The following BLNK variants were observed in gnomAD, a reference collection of about 807,000 sequenced individuals.
BLNK encodes B-cell linker protein.
Under a neutral mutation model 73.5 loss-of-function variants are expected in BLNK, and 29 were observed. The observed-to-expected ratio is 0.39, with a 90% CI of 0.29 to 0.54. BLNK has a LOEUF of 0.54. BLNK is among the 20% of genes least tolerant of loss of function. BLNK has a pLI of 0.61. For missense variants in BLNK, 460 were observed against 562.8 expected, an observed-to-expected ratio of 0.82 and a Z score of 1.85; for synonymous variants, 176 against 200.8, an observed-to-expected ratio of 0.88 and a Z score of 1.04.
intron 15 of BLNK, 27 bp from the exon 16 acceptor site, chr10:96,197,090 A>G (rs1554894885): frequency 1.9e-6 from 3 of 1,580,768 alleles, no homozygotes; most frequent in Non-Finnish European, 2.6e-6. Flanking sequence ...AAAAAACATA[A>G]TTATGGTTAG....
chr10:96,231,805 G>T (rs1574394), intron 3 of BLNK, among the ~76,000 whole-genome samples: 23,076 of 151,532 alleles, frequency 0.15, 2,054 homozygotes, highest in African/African-American at 0.25. Context: ...ACATGCCCAA[G>T]GTCAGATAGT....
At chr10:96,239,023 T>C (rs1422832406) in intron 3 of BLNK, 2 of 397,776 alleles carry the variant, frequency 5.0e-6, no homozygotes, top group Non-Finnish European at 8.9e-6. Context: ...CCAGATGAGG[T>C]TGATGCTATC....
At chr10:96,258,157 A>G (rs1314822173) in intron 1 of BLNK, among the ~76,000 whole-genome samples, 3 of 152,274 alleles carry the variant, frequency 2.0e-5, no homozygotes, top group East Asian at 1.9e-4. Context: ...CAGGAATTAT[A>G]TTTAGATTTG....
intron 16 of BLNK, among the ~76,000 whole-genome samples, chr10:96,196,346 G>C (rs2083464768): frequency 6.6e-6 from 1 of 152,178 alleles, no homozygotes; most frequent in Non-Finnish European, 1.5e-5. Flanking sequence ...CTGAGATATG[G>C]TAAGCACTGA....
At chr10:96,266,362 G>C (rs182357362) in intron 1 of BLNK, among the ~76,000 whole-genome samples, 11 of 152,320 alleles carry the variant, frequency 7.2e-5, no homozygotes, top group Admixed American at 3.3e-4. Flanking sequence ...TGAAGAGGAA[G>C]GTGTTGTTCA....
chr10:96,226,021 A>G (rs1475621676), intron 5 of BLNK, among the ~76,000 whole-genome samples: 2 of 152,100 alleles, frequency 1.3e-5, no homozygotes, highest in East Asian at 3.9e-4. Flanking sequence ...TGCTGTGATG[A>G]TTGAAAAAGA....
At chr10:96,252,683 T>C (rs1021680631) in intron 1 of BLNK, among the ~76,000 whole-genome samples, 1 of 152,226 alleles carries the variant, frequency 6.6e-6, no homozygotes, top group Non-Finnish European at 1.5e-5. Context: ...TGTACTTTCT[T>C]CTTGAGCCAC....
intron 16 of BLNK, among the ~76,000 whole-genome samples, chr10:96,195,970 G>T (rs1554894582): frequency 1.3e-5 from 2 of 152,160 alleles, no homozygotes. Flanking sequence ...TCTGATTCTG[G>T]AAATACAGAG....
intron 1 of BLNK, among the ~76,000 whole-genome samples, chr10:96,253,104 C>A (rs1164794779): frequency 6.6e-6 from 1 of 152,136 alleles, no homozygotes; most frequent in African/African-American, 2.4e-5. Context: ...AATAGCCTTC[C>A]AATTTTTACT....
In BLNK at chr10:96,206,573, A is replaced by G. The variant is rs587640694; in HGVS notation, c.817+438T>C. On this transcript the variant is annotated intron_variant, in intron 11 of 16. Transcript: ENST00000224337. ...CTCAAAAAAAAAAAAAAAAAGGAAGAAAAGCAATTGAAGATGTACTAAGAA... is the reference window on the plus strand; with the variant it reads ...CTCAAAAAAAAAAAAAAAAAGGAAGGAAAGCAATTGAAGATGTACTAAGAA... Among the ~76,000 whole-genome samples, 16 of 151,066 alleles carry G rather than the reference A, an allele frequency of 1.1e-4. No individual in the cohort carries two copies. The East Asian group carries it at 3.1e-3, about 29-fold the overall frequency.
At position 96,238,501 on chromosome 10, in the gene BLNK, G is replaced by A. The variant is rs1441724890; in HGVS notation, c.163+4234C>T. Among the ~76,000 whole-genome samples, 3 of 152,158 alleles carry A rather than the reference G, an allele frequency of 2.0e-5. No individual in the cohort carries two copies. In the East Asian group the frequency reaches 5.8e-4, roughly 29 times the overall value. ...GGCTCAGGAGGTCTGGTGGGCTCTG[G>A]CCTCCACACACTACAGTTTCCAAGA... On this transcript the variant is annotated intron_variant, in intron 3 of 16. Transcript: ENST00000224337.
At chr10:96,221,414 A>G (rs2084194429) in intron 6 of BLNK, among the ~76,000 whole-genome samples, 1 of 152,142 alleles carries the variant, frequency 6.6e-6, no homozygotes, top group Non-Finnish European at 1.5e-5. Flanking sequence ...TTCTTTTCCC[A>G]ACTAATGGTT....
intron 12 of BLNK, 95 bp from the exon 13 acceptor site, chr10:96,204,183 C>T (rs1043246199): frequency 2.2e-6 from 3 of 1,333,874 alleles, no homozygotes; most frequent in Non-Finnish European, 3.2e-6. Flanking sequence ...ACAGGCACAT[C>T]ACAAATAAAT....
At chr10:96,211,503 C>A (rs2083947800) in intron 8 of BLNK, among the ~76,000 whole-genome samples, 2 of 152,114 alleles carry the variant, frequency 1.3e-5, no homozygotes, top group South Asian at 4.1e-4. Flanking sequence ...AAGTTCCTTC[C>A]CATGTATGTC....
At chr10:96,203,778 T>C (rs1465335015) in intron 13 of BLNK, 1 of 191,908 alleles carries the variant, frequency 5.2e-6, no homozygotes, top group African/African-American at 4.1e-5. Context: ...CTGTATTGTT[T>C]TTGTAAAAAA....
intron 1 of BLNK, among the ~76,000 whole-genome samples, chr10:96,253,786 C>A (rs563662673): frequency 1.3e-5 from 2 of 151,948 alleles, no homozygotes; most frequent in South Asian, 4.2e-4. Context: ...GAGGCCAAGG[C>A]GGGCCGATCA....
chr10:96,219,029 G>A (rs141243195), intron 6 of BLNK, among the ~76,000 whole-genome samples: 2 of 152,232 alleles, frequency 1.3e-5, no homozygotes, highest in African/African-American at 2.4e-5. Context: ...CTGAATCATC[G>A]GAAGTTCTCC....
At chr10:96,246,120 G>A (rs1843035414) in intron 2 of BLNK, among the ~76,000 whole-genome samples, 1 of 151,710 alleles carries the variant, frequency 6.6e-6, no homozygotes, top group African/African-American at 2.4e-5. Flanking sequence ...ATGCAGATAT[G>A]TACAATTTTT....
rs143269258 is a variant in BLNK, at chr10:96,218,295, C to T, written c.526-1561G>A. On this transcript the variant is annotated intron_variant, in intron 6 of 16. Transcript: ENST00000224337. ...CATGTTTTTTTTCTCATTTAATCCT[C>T]TAACAACACAATAAGAGAGATATCA... Among the ~76,000 whole-genome samples, 187 of 152,256 alleles carry T rather than the reference C, an allele frequency of 1.2e-3. 3 individuals carry two copies. The highest frequency in any genetic ancestry group is 4.3e-3 in the African/African-American group (179 of 41,562).
Sources: allele counts gnomAD v4.1 joint callset (sites outside exome capture counted in the v4.1 genomes callset), GRCh38; gene constraint gnomAD v4.1.1; transcripts MANE v1.5; gene names NCBI Gene and HGNC (gene_info 2026-07-23, HGNC 2026-07-21).